LHX6: variants seen among roughly 807,000 people sequenced by gnomAD.
LHX6 encodes LIM homeobox 6, also known as LIM/homeobox protein Lhx6.
A neutral mutation model predicts 47.1 loss-of-function variants in LHX6; 15 were observed. That is an observed-to-expected ratio of 0.32 (90% CI 0.21 to 0.49). LHX6 has a LOEUF of 0.49. Ranked by LOEUF, LHX6 falls within the 20% of genes least tolerant of loss-of-function variation. LHX6 has a pLI of 0.99. For missense variants in LHX6, 404 were observed against 539.6 expected, an observed-to-expected ratio of 0.75 and a Z score of 2.49; for synonymous variants, 242 against 233.5, an observed-to-expected ratio of 1.04 and a Z score of -0.33.
chr9:122,215,584 G>T (rs1318017247), intron 5 of LHX6, among the ~76,000 whole-genome samples: 3 of 152,054 alleles, frequency 2.0e-5, no homozygotes, highest in Non-Finnish European at 4.4e-5. Context: ...TGTGGTCGCT[G>T]ATGGACCACA....
Position 122,217,052 on chromosome 9 carries a change from G to A in LHX6, c.682+16C>T, listed in dbSNP as rs766560406. Reference sequence around the variant, plus strand: ...AGGGCTGGGGGCAGAGGTGCCAGGCGGAGCAGGTTGGGTACCGTTCTCGGC... The same window carrying A: ...AGGGCTGGGGGCAGAGGTGCCAGGCAGAGCAGGTTGGGTACCGTTCTCGGC... On this transcript the variant is annotated intron_variant, in intron 5 of 9. Coordinates refer to ENST00000394319, the MANE Select transcript of LHX6 (RefSeq NM_014368.5). The surrounding 1 kb of genome is among the most constrained non-coding windows in gnomAD (Gnocchi z 4.9). The A allele has an allele frequency of 3.1e-6, 5 of 1,609,358 alleles. No individual in the cohort carries two copies. In the South Asian group the frequency reaches 4.4e-5, roughly 14 times the overall value.
intron 9 of LHX6, 55 bp from the exon 10 acceptor site, chr9:122,204,835 G>T: frequency 7.6e-7 from 1 of 1,309,232 alleles, no homozygotes; most frequent in Non-Finnish European, 1.1e-6. Flanking sequence ...CCACCCTGCT[G>T]CCCCCCAGAG....
intron 1 of LHX6, chr9:122,227,781 G>A: frequency 2.9e-5 from 12 of 407,886 alleles, no homozygotes; most frequent in East Asian, 4.7e-5. Context: ...AAAAACACGC[G>A]CACACACACA....
chr9:122,210,934 A>G (rs1461053983), intron 8 of LHX6, among the ~76,000 whole-genome samples: 1 of 152,160 alleles, frequency 6.6e-6, no homozygotes, highest in East Asian at 1.9e-4. Context: ...AAGCTCCACG[A>G]GGGCAGGAAT....
rs1166293221 is a variant in LHX6, at chr9:122,226,984, T to G, written c.203A>C (p.Glu68Ala). Reference protein sequence around the residue: ...EALAGALDKDEGQASPCTPST... With the variant: ...EALAGALDKDAGQASPCTPST... ...GGGCGTACATGGGGAGGCCTGACCC[T>G]CGTCCTTGTCCAGAGCTCCTGCCAG... Residue 68 changes from glutamate (E) to alanine (A), a missense_variant, in exon 3 of 10, where the codon GAG (glutamate) becomes GCG (alanine). Transcript: ENST00000394319. This position sits in a 1 kb window ranked among gnomAD's most constrained non-coding sequence, Gnocchi z 6.5. The G allele has an allele frequency of 1.3e-6, 2 of 1,542,494 alleles. No individual in the cohort carries two copies. Among genetic ancestry groups the G allele is most frequent in the Non-Finnish European group, 1.7e-6 (2 of 1,143,104 alleles).
chr9:122,226,874 C>T lies in LHX6; in HGVS notation c.313G>A (p.Glu105Lys). ...TTGAGCAGATATCGGTCCAGGATCT[C>T]GAGGCCGCAGCTGGAGCAGATGTTC... ...GKNICSSCGL[E>K]ILDRYLLKVN... The change falls in exon 3 of 10, where the codon GAG becomes AAG. Residue 105 changes from glutamate to lysine, a missense_variant. Physicochemically the swap from Glu to Lys is moderately conservative, Grantham distance 56. This residue lies in a region of LHX6 where 53 missense variants were observed against 97.4 expected (regional missense o/e 0.54). Transcript: ENST00000394319. This position sits in a 1 kb window ranked among gnomAD's most constrained non-coding sequence, Gnocchi z 6.5. 1 of 1,568,072 alleles carries T rather than the reference C, an allele frequency of 6.4e-7. No individual in the cohort carries two copies. The highest frequency in any genetic ancestry group is 8.6e-7 in the Non-Finnish European group (1 of 1,156,750).
intron 4 of LHX6, chr9:122,221,423 G>T (rs996883678): frequency 1.1e-5 from 11 of 985,444 alleles, no homozygotes; most frequent in Non-Finnish European, 1.2e-5. Flanking sequence ...CTCGCTTTGC[G>T]GGAGGGGGTA....
intron 4 of LHX6, among the ~76,000 whole-genome samples, chr9:122,220,747 C>T (rs1159058216): frequency 6.6e-6 from 1 of 152,200 alleles, no homozygotes; most frequent in African/African-American, 2.4e-5. Flanking sequence ...CTGGCAACTG[C>T]TAAAAAGAGT....
rs773388027 is a variant in LHX6 at position 122,213,831 on chromosome 9, G to T, written c.880-51C>A. Reference sequence around the variant, plus strand: ...AGCCTCGAGGAAAAGAGTCGGACGCGCCGCCGGGAGACCCCAGGCGGGACT... The same window carrying T: ...AGCCTCGAGGAAAAGAGTCGGACGCTCCGCCGGGAGACCCCAGGCGGGACT... On this transcript the variant is annotated intron_variant, in intron 7 of 9. Transcript: ENST00000394319. The surrounding 1 kb of genome is among the most constrained non-coding windows in gnomAD (Gnocchi z 5.5). The T allele has an allele frequency of 2.8e-5, 43 of 1,544,162 alleles. 2 individuals are homozygous for T. The South Asian group carries it at 4.1e-4, about 15-fold the overall frequency.
intron 4 of LHX6, among the ~76,000 whole-genome samples, chr9:122,222,413 A>AT (rs201683889): frequency 7.2e-4 from 110 of 151,736 alleles, no homozygotes; most frequent in African/African-American, 2.2e-3. Context: ...TTCTGGTGGT[A>AT]TTTTTTTTTC....
intron 4 of LHX6, chr9:122,221,780 C>G (rs932570122): frequency 1.0e-6 from 1 of 965,464 alleles, no homozygotes; most frequent in African/African-American, 1.8e-5. Context: ...TGGGCAGGGA[C>G]TCTTTGGATC....
At chr9:122,219,611 A>G (rs1830749265) in intron 4 of LHX6, among the ~76,000 whole-genome samples, 1 of 152,102 alleles carries the variant, frequency 6.6e-6, no homozygotes, top group Non-Finnish European at 1.5e-5. Flanking sequence ...TAGAGACCTT[A>G]CTACGGGCCG....
intron 9 of LHX6, 113 bp downstream of exon 9, chr9:122,209,501 A>ACGGGGTCT: frequency 6.6e-7 from 1 of 1,512,952 alleles, no homozygotes; most frequent in East Asian, 2.4e-5. Context: ...GGCCGGGCAG[A>ACGGGGTCT]CAGGGTCTGC....
Position 122,213,585 on chromosome 9 carries a change from C to A in LHX6, c.1054+21G>T. On this transcript the variant is annotated intron_variant, in intron 8 of 9. Coordinates refer to ENST00000394319, the MANE Select transcript of LHX6 (RefSeq NM_014368.5). The surrounding 1 kb of genome is among the most constrained non-coding windows in gnomAD (Gnocchi z 5.5). The stretch of plus-strand genomic sequence containing the variant: ...CCCCCTCCCCGCAGGCCCAGCGGCT[C>A]CCGGCGCTGCGGTTACTTACTCTCA... 1.3e-6 allele frequency: 2 copies of A among 1,539,110 alleles called. No homozygotes were observed. Among genetic ancestry groups the A allele is most frequent in the Non-Finnish European group, 1.7e-6 (2 of 1,146,514 alleles).
chr9:122,220,068 T>TC (rs1830779426), intron 4 of LHX6, among the ~76,000 whole-genome samples: 1 of 152,150 alleles, frequency 6.6e-6, no homozygotes, highest in African/African-American at 2.4e-5. Flanking sequence ...TGGGATTCTT[T>TC]CCCCCTTGGC....
At chr9:122,204,927 TG>T in intron 9 of LHX6, 147 bp from the exon 10 acceptor site, 1 of 504,338 alleles carries the variant, frequency 2.0e-6, no homozygotes, top group Non-Finnish European at 3.5e-6. Flanking sequence ...TGACTTGCTG[TG>T]GGACCTTGGG....
chr9:122,215,916 G>A (rs971639446), intron 5 of LHX6, among the ~76,000 whole-genome samples: 1 of 152,138 alleles, frequency 6.6e-6, no homozygotes, highest in African/African-American at 2.4e-5. Context: ...ATGTCCCCTA[G>A]GAAAGCAGGC....
At chr9:122,223,549 G>A (rs1236227309) in intron 4 of LHX6, among the ~76,000 whole-genome samples, 1 of 152,194 alleles carries the variant, frequency 6.6e-6, no homozygotes, top group Non-Finnish European at 1.5e-5. Context: ...CTCTTTGGCA[G>A]CTCTGGGAGA....
At chr9:122,218,800 G>A (rs1405512363) in intron 4 of LHX6, among the ~76,000 whole-genome samples, 1 of 152,048 alleles carries the variant, frequency 6.6e-6, no homozygotes, top group African/African-American at 2.4e-5. Flanking sequence ...CAGCCACAAT[G>A]GAAGGTCACT....
Sources: allele counts gnomAD v4.1 joint callset (sites outside exome capture counted in the v4.1 genomes callset), GRCh38; gene constraint gnomAD v4.1.1; regional missense constraint gnomAD v4.1.1; non-coding constraint Gnocchi (gnomAD v3.1); transcripts MANE v1.5; gene names NCBI Gene and HGNC (gene_info 2026-07-23, HGNC 2026-07-21).